The following SLIT3 variants were observed in gnomAD, a reference collection of about 807,000 sequenced individuals.
SLIT3 encodes slit homolog 3 protein.
In SLIT3, 68 loss-of-function variants were observed where a neutral mutation model predicts 184.0. That is an observed-to-expected ratio of 0.37 (90% CI 0.30 to 0.45). SLIT3 has a LOEUF of 0.45. Among genes scored for constraint, SLIT3 ranks in the 20% least tolerant of loss-of-function variants. SLIT3 has a pLI of 1.00. For synonymous variants in SLIT3, 831 were observed against 828.6 expected, an observed-to-expected ratio of 1.00 and a Z score of -0.05; for missense variants, 1,707 against 2,026.0, an observed-to-expected ratio of 0.84 and a Z score of 3.02.
intron 34 of SLIT3, among the ~76,000 whole-genome samples, chr5:168,670,736 C>T (rs1252387561): frequency 3.3e-5 from 5 of 152,192 alleles, no homozygotes; most frequent in Non-Finnish European, 7.3e-5. Context: ...TTAACACTGA[C>T]AGTACTGGAT....
chr5:168,980,855 AT>A (rs1352611819), intron 4 of SLIT3, among the ~76,000 whole-genome samples: 4 of 152,224 alleles, frequency 2.6e-5, no homozygotes, highest in Non-Finnish European at 5.9e-5. Flanking sequence ...GTAGAAGAAT[AT>A]TTAGTGATGT....
intron 12 of SLIT3, among the ~76,000 whole-genome samples, chr5:168,782,512 T>C (rs940808571): frequency 1.3e-5 from 2 of 152,040 alleles, no homozygotes; most frequent in Non-Finnish European, 2.9e-5. Context: ...AGGATCACCA[T>C]CTCCACAGAT....
At chr5:168,786,377 G>A (rs1015328930) in intron 11 of SLIT3, among the ~76,000 whole-genome samples, 1 of 152,140 alleles carries the variant, frequency 6.6e-6, no homozygotes, top group Admixed American at 6.5e-5. Flanking sequence ...CCAGCCTACA[G>A]GACGTTTCCT....
intron 1 of SLIT3, among the ~76,000 whole-genome samples, chr5:169,290,479 A>G (rs1387141619): frequency 6.7e-6 from 1 of 149,992 alleles, no homozygotes; most frequent in African/African-American, 2.5e-5. Flanking sequence ...GCTAGGACAT[A>G]CACTGGGGTA....
chr5:168,767,709 T>A (rs1212944614), intron 14 of SLIT3, among the ~76,000 whole-genome samples: 1 of 151,962 alleles, frequency 6.6e-6, no homozygotes, highest in Non-Finnish European at 1.5e-5. Context: ...CCAATAAAGG[T>A]GGTGGTGGGA....
intron 4 of SLIT3, among the ~76,000 whole-genome samples, chr5:168,918,406 G>A (rs1419277770): frequency 3.3e-5 from 5 of 152,146 alleles, no homozygotes; most frequent in Non-Finnish European, 7.4e-5. Flanking sequence ...GAAATTTAAA[G>A]GGCCCCTGGG....
At chr5:169,275,497 TTAA>T (rs1766771935) in intron 1 of SLIT3, among the ~76,000 whole-genome samples, 1 of 152,158 alleles carries the variant, frequency 6.6e-6, no homozygotes, top group South Asian at 2.1e-4. Flanking sequence ...AAGGATTGTA[TTAA>T]TCTGTTTTTT....
chr5:169,070,836 A>G (rs1467775839), intron 4 of SLIT3, among the ~76,000 whole-genome samples: 1 of 152,104 alleles, frequency 6.6e-6, no homozygotes, highest in African/African-American at 2.4e-5. Flanking sequence ...ACAAAAACAA[A>G]AAACAAAAGC....
intron 4 of SLIT3, among the ~76,000 whole-genome samples, chr5:168,934,394 G>A (rs1227393245): frequency 6.6e-6 from 1 of 152,160 alleles, no homozygotes; most frequent in Admixed American, 6.5e-5. Flanking sequence ...TCTCTGCAGG[G>A]GGTGGAACTA....
At chr5:168,912,894 C>T (rs890566925) in intron 4 of SLIT3, among the ~76,000 whole-genome samples, 2 of 152,146 alleles carry the variant, frequency 1.3e-5, no homozygotes, top group African/African-American at 4.8e-5. Context: ...CTCTCCCTCC[C>T]CTTTGTGCCA....
At chr5:168,905,336 C>A (rs77575197) in intron 4 of SLIT3, among the ~76,000 whole-genome samples, 4,080 of 152,264 alleles carry the variant, frequency 0.027, 199 homozygotes, top group African/African-American at 0.094. Flanking sequence ...GTCAGAGGGC[C>A]TTTCTATTTT....
At chr5:169,268,922 A>G (rs974328761) in intron 1 of SLIT3, among the ~76,000 whole-genome samples, 1 of 139,262 alleles carries the variant, frequency 7.2e-6, no homozygotes, top group Non-Finnish European at 1.5e-5. Flanking sequence ...TAAGGGGGAC[A>G]CTCTTATTAT....
chr5:168,746,617 AGTATGGTG>A lies in SLIT3; in HGVS notation c.2270+1677_2270+1684del, dbSNP rs1235238538. ...GTGTGGTGGTGTGGGTGTGGTGTGT[AGTATGGTG>A]GTGTGGTGGTGTGTAGTGGTGTGGG... On this transcript the variant is annotated intron_variant, in intron 20 of 35. Coordinates refer to ENST00000519560, the MANE Select transcript of SLIT3 (RefSeq NM_003062.4). Among the ~76,000 whole-genome samples the A allele has an allele frequency of 6.8e-3, 159 of 23,542 alleles. 25 individuals carry two copies. The highest frequency in any genetic ancestry group is 9.8e-3 in the Non-Finnish European group (132 of 13,436). The allele number at this position is 23,542 out of a possible 152,430, so 15.4% of individuals were successfully genotyped here. A position where few individuals can be genotyped will look rare whatever the true frequency, so the allele number is the denominator to read the frequency against.
At chr5:169,062,520 C>G (rs1758208336) in intron 4 of SLIT3, among the ~76,000 whole-genome samples, 1 of 152,242 alleles carries the variant, frequency 6.6e-6, no homozygotes, top group Admixed American at 6.5e-5. Flanking sequence ...TTCCTCTGCC[C>G]TCACTCACTG....
chr5:169,013,579 A>C (rs902840793), intron 4 of SLIT3, among the ~76,000 whole-genome samples: 2 of 152,212 alleles, frequency 1.3e-5, no homozygotes, highest in Non-Finnish European at 2.9e-5. Flanking sequence ...ACTTGTGCCC[A>C]AGATTGGGTT....
chr5:168,698,349 T>G (rs1470145299), intron 27 of SLIT3, among the ~76,000 whole-genome samples: 1 of 152,010 alleles, frequency 6.6e-6, no homozygotes, highest in Non-Finnish European at 1.5e-5. Flanking sequence ...GGACCCCTAA[T>G]CCAATATAAC....
intron 4 of SLIT3, among the ~76,000 whole-genome samples, chr5:168,988,614 C>T (rs62378610): frequency 6.6e-6 from 1 of 152,124 alleles, no homozygotes; most frequent in Non-Finnish European, 1.5e-5. Flanking sequence ...AGGAAGACTG[C>T]GAGATCTAAC....
Position 168,680,734 on chromosome 5 carries a change from C to A in SLIT3, c.3686+3232G>T, listed in dbSNP as rs536065571. On this transcript the variant is annotated intron_variant, in intron 32 of 35. Transcript: ENST00000519560. ...CCAGCCCTCCCACATGGCTTCCATGCAGGCTGATGGGGCCTCCTCCTCCCC... is the reference window on the plus strand; with the variant it reads ...CCAGCCCTCCCACATGGCTTCCATGAAGGCTGATGGGGCCTCCTCCTCCCC... Among the ~76,000 whole-genome samples the A allele has an allele frequency of 6.6e-5, 10 of 152,350 alleles. No homozygotes were observed. In the South Asian group the frequency reaches 2.1e-3, roughly 32 times the overall value.
At chr5:168,704,278 T>C (rs964506118) in intron 26 of SLIT3, among the ~76,000 whole-genome samples, 2 of 138,782 alleles carry the variant, frequency 1.4e-5, no homozygotes, top group Non-Finnish European at 2.9e-5. Context: ...GATATATTTT[T>C]TCCCCAAATC....
Sources: gnomAD v4.1 joint callset for allele counts (sites outside exome capture counted in the v4.1 genomes callset) on GRCh38, gnomAD v4.1.1 for gene constraint, MANE v1.5 for transcripts, NCBI Gene and HGNC (gene_info 2026-07-23, HGNC 2026-07-21) for gene names.